Variants in DPYSL2 observed in about 807,000 individuals in gnomAD.
DPYSL2 encodes the protein dihydropyrimidinase like 2.
Under a neutral mutation model 69.9 loss-of-function variants are expected in DPYSL2, and 13 were observed. The ratio of observed to expected loss-of-function variants is 0.19; its 90% CI spans 0.12 to 0.30. The LOEUF is 0.30. DPYSL2 is among the 10% of genes least tolerant of loss of function. The probability of loss-of-function intolerance (pLI) is 1.00; values close to 1 mark genes in which losing one functional copy is unlikely to be tolerated. For missense variants in DPYSL2, 587 were observed against 918.9 expected, an observed-to-expected ratio of 0.64 and a Z score of 4.67; for synonymous variants, 326 against 359.1, an observed-to-expected ratio of 0.91 and a Z score of 1.04.
chr8:26,519,632 C>T (rs1298919920), intron 1 of DPYSL2, among the ~76,000 whole-genome samples: 4 of 151,896 alleles, frequency 2.6e-5, no homozygotes, highest in Non-Finnish European at 5.9e-5. Context: ...TTAGCCAATT[C>T]CTAAGGTCTT....
At chr8:26,561,692 G>T (rs1585510150) in intron 1 of DPYSL2, among the ~76,000 whole-genome samples, 1 of 152,106 alleles carries the variant, frequency 6.6e-6, no homozygotes, top group East Asian at 1.9e-4. Flanking sequence ...GCATGGTTTT[G>T]GGATGAAACT....
chr8:26,553,552 A>G (rs968358249), intron 1 of DPYSL2, among the ~76,000 whole-genome samples: 1 of 152,210 alleles, frequency 6.6e-6, no homozygotes, highest in Admixed American at 6.5e-5. Context: ...TGCAAAGGAC[A>G]TGATCTCGTT....
At position 26,531,423 on chromosome 8, in the gene DPYSL2, A is replaced by T. The variant is rs868124913; in HGVS notation, c.354+16744A>T. The stretch of plus-strand genomic sequence containing the variant: ...CTCAGAAGAGATTTTAGGGCTGGAG[A>T]TAGAGATAGGGTGCCATTGGCAAGG... On this transcript the variant is annotated intron_variant, in intron 1 of 13. Coordinates refer to ENST00000521913, the MANE Select transcript of DPYSL2 (RefSeq NM_001197293.3). 5.3e-5 allele frequency among the ~76,000 whole-genome samples: 8 copies of T among 152,086 alleles called. 1 individual carries two copies. Among genetic ancestry groups the T allele is most frequent in the Non-Finnish European group, 2.9e-5 (2 of 68,008 alleles).
In DPYSL2 at chr8:26,652,368, T is replaced by G; in HGVS notation, c.1708T>G (p.Ser570Ala). Residue 570 changes from serine to alanine, a missense_variant, in exon 12 of 14, where the codon TCT becomes GCT. By Grantham distance (99) the Ser-to-Ala change is moderately conservative. Coordinates refer to ENST00000521913, the MANE Select transcript of DPYSL2 (RefSeq NM_001197293.3). This position sits in a 1 kb window ranked among gnomAD's most constrained non-coding sequence, Gnocchi z 6.3. ...CGGCACCCTGCATGTCACCGAAGGC[T>G]CTGGACGCTACATTCCCCGGAAGCC... ...EDGTLHVTEG[S>A]GRYIPRKPFP... The G allele has an allele frequency of 6.2e-7, 1 of 1,614,210 alleles. No homozygotes were observed. The highest frequency in any genetic ancestry group is 1.3e-5 in the African/African-American group (1 of 75,062).
At chr8:26,536,619 C>T (rs752312702) in intron 1 of DPYSL2, among the ~76,000 whole-genome samples, 3 of 151,990 alleles carry the variant, frequency 2.0e-5, no homozygotes, top group East Asian at 1.9e-4. Context: ...TGCAGTGAGC[C>T]GAGATTATGC....
In DPYSL2 at chr8:26,621,457, C is replaced by T. The variant is rs1356485047; in HGVS notation, c.629-2686C>T. On this transcript the variant is annotated intron_variant, in intron 3 of 13. Coordinates refer to ENST00000521913, the MANE Select transcript of DPYSL2 (RefSeq NM_001197293.3). This position sits in a 1 kb window ranked among gnomAD's most constrained non-coding sequence, Gnocchi z 4.9. ...TCCCAGGAGAGCCCCTCCTTTGCTG[C>T]TTGACCTGATTGCAAGTGGAATGTG... is the stretch of plus-strand genomic sequence containing the variant. 1.3e-5 allele frequency among the ~76,000 whole-genome samples: 2 copies of T among 152,184 alleles called. No individual in the cohort carries two copies. The highest frequency in any genetic ancestry group is 3.8e-4 in the East Asian group (2 of 5,204).
At chr8:26,607,482 CAAA>C (rs543475606) in intron 3 of DPYSL2, among the ~76,000 whole-genome samples, 1 of 105,878 alleles carries the variant, frequency 9.4e-6, no homozygotes, top group Admixed American at 1.0e-4. Context: ...GACTCTGTCT[CAAA>C]AAAAAAAAAA....
At chr8:26,578,334 C>T (rs773474486) in intron 1 of DPYSL2, 1 of 1,613,644 alleles carries the variant, frequency 6.2e-7, no homozygotes, top group Non-Finnish European at 8.5e-7. Flanking sequence ...GGCCAGCCAC[C>T]TTTTGTAGCA....
At chr8:26,575,455 C>CA (rs1334840014) in intron 1 of DPYSL2, among the ~76,000 whole-genome samples, 4 of 151,986 alleles carry the variant, frequency 2.6e-5, no homozygotes, top group African/African-American at 9.7e-5. Flanking sequence ...GTAAGAAATG[C>CA]AGGTTGCAGA....
At chr8:26,590,796 G>A (rs1050796712) in intron 3 of DPYSL2, among the ~76,000 whole-genome samples, 3 of 152,258 alleles carry the variant, frequency 2.0e-5, no homozygotes, top group South Asian at 2.1e-4. Flanking sequence ...GAAGGATGGC[G>A]GAGCATCCTC....
In DPYSL2 at chr8:26,564,096, G is replaced by A. The variant is rs1427581693; in HGVS notation, c.355-17873G>A. On this transcript the variant is annotated intron_variant, in intron 1 of 13. Transcript: ENST00000521913. The surrounding 1 kb of genome is among the most constrained non-coding windows in gnomAD (Gnocchi z 4.8). ...AGAAGCGAGGGAGGGGAATTTGGAA[G>A]AAAAAAGGTAGAGGCAATAATGTTA... 6.6e-6 allele frequency among the ~76,000 whole-genome samples: 1 copy of A among 152,038 alleles called. No homozygotes were observed. The highest frequency in any genetic ancestry group is 1.5e-5 in the Non-Finnish European group (1 of 67,980).
At chr8:26,542,426 A>AAT (rs1563380028) in intron 1 of DPYSL2, among the ~76,000 whole-genome samples, 16 of 149,196 alleles carry the variant, frequency 1.1e-4, no homozygotes, top group Admixed American at 5.4e-4. Flanking sequence ...TATTAAAAAA[A>AAT]TTTTTTTTTT....
intron 10 of DPYSL2, among the ~76,000 whole-genome samples, chr8:26,645,198 A>G (rs984404306): frequency 3.3e-5 from 5 of 152,204 alleles, no homozygotes; most frequent in African/African-American, 1.2e-4. Context: ...CCAGGAGTTC[A>G]AGACCAGTCT....
At chr8:26,545,037 G>A (rs902007971) in intron 1 of DPYSL2, among the ~76,000 whole-genome samples, 3 of 152,146 alleles carry the variant, frequency 2.0e-5, no homozygotes, top group African/African-American at 7.2e-5. Context: ...TCTGAGGACA[G>A]GAATTGACAG....
chr8:26,550,249 C>A (rs924981770), intron 1 of DPYSL2, among the ~76,000 whole-genome samples: 5 of 152,038 alleles, frequency 3.3e-5, no homozygotes, highest in African/African-American at 1.2e-4. Flanking sequence ...GTGTATACTG[C>A]AAACTCAAGG....
rs144912638 is a variant in DPYSL2, at chr8:26,598,113, C to T, written c.628+14130C>T. ...GGATCCAGGGAGGTGGTGGCTATGG[C>T]AGGGCTTGGACAAATTACATGTATG... On this transcript the variant is annotated intron_variant, in intron 3 of 13. Coordinates refer to ENST00000521913, the MANE Select transcript of DPYSL2 (RefSeq NM_001197293.3). The surrounding 1 kb of genome is among the most constrained non-coding windows in gnomAD (Gnocchi z 4.2). Among the ~76,000 whole-genome samples, 17 of 152,242 alleles carry T rather than the reference C, an allele frequency of 1.1e-4. No individual in the cohort carries two copies. The East Asian group carries it at 3.3e-3, about 29-fold the overall frequency.
chr8:26,576,853 A>C (rs1365345737), intron 1 of DPYSL2, among the ~76,000 whole-genome samples: 4 of 151,938 alleles, frequency 2.6e-5, no homozygotes, highest in African/African-American at 7.2e-5. Context: ...AACCCTCAGG[A>C]CCCCGGGGCG....
chr8:26,577,040 A>C (rs1226972231), intron 1 of DPYSL2: 4 of 375,772 alleles, frequency 1.1e-5, no homozygotes, highest in Non-Finnish European at 2.1e-5. Flanking sequence ...CCGCCCTACT[A>C]AGTTCCTCGC....
intron 7 of DPYSL2, among the ~76,000 whole-genome samples, chr8:26,631,274 G>T (rs1452291450): frequency 6.6e-6 from 1 of 152,178 alleles, no homozygotes; most frequent in African/African-American, 2.4e-5. Flanking sequence ...TGCATGGCTG[G>T]GGAGGCCTCA....
Sources: allele counts gnomAD v4.1 joint callset (sites outside exome capture counted in the v4.1 genomes callset), GRCh38; gene constraint gnomAD v4.1.1; non-coding constraint Gnocchi (gnomAD v3.1); transcripts MANE v1.5; gene names NCBI Gene and HGNC (gene_info 2026-07-23, HGNC 2026-07-21).